The following AGPAT4 variants were observed in gnomAD, a reference collection of about 807,000 sequenced individuals.
The protein encoded by AGPAT4 is 1-acyl-sn-glycerol-3-phosphate acyltransferase delta.
AGPAT4 carries 15 observed loss-of-function variants against 48.0 expected under a neutral mutation model. The ratio of observed to expected loss-of-function variants is 0.31; its 90% CI spans 0.21 to 0.48. The LOEUF (loss-of-function observed/expected upper bound fraction) is 0.48. AGPAT4 is among the 20% of genes least tolerant of loss of function. AGPAT4 has a pLI of 0.99. For missense variants in AGPAT4, 314 were observed against 482.5 expected, an observed-to-expected ratio of 0.65 and a Z score of 3.27; for synonymous variants, 178 against 198.7, an observed-to-expected ratio of 0.90 and a Z score of 0.88.
chr6:161,213,774 A>G (rs989762240), intron 2 of AGPAT4, among the ~76,000 whole-genome samples: 4 of 152,174 alleles, frequency 2.6e-5, no homozygotes, highest in Non-Finnish European at 5.9e-5. Context: ...TCTTCATAGA[A>G]TAACCTTATA....
Position 161,199,733 on chromosome 6 carries a change from C to T in AGPAT4, c.178+32303G>A, listed in dbSNP as rs1460432009. 2.0e-5 allele frequency among the ~76,000 whole-genome samples: 3 copies of T among 152,138 alleles called. No individual in the cohort carries two copies. In the East Asian group the frequency reaches 5.8e-4, roughly 29 times the overall value. ...GTTATTTAAAAGCGTGCAGCACCTCCCCCTTTACTCTCTCCTCCGGCCACG... is the reference window on the plus strand; with the variant it reads ...GTTATTTAAAAGCGTGCAGCACCTCTCCCTTTACTCTCTCCTCCGGCCACG... On this transcript the variant is annotated intron_variant, in intron 2 of 8. Coordinates refer to ENST00000320285, the MANE Select transcript of AGPAT4 (RefSeq NM_020133.3).
rs769231388 is a variant in AGPAT4 at position 161,130,835 on chromosome 6, C to G, written c.*5705G>C. 1.9e-6 allele frequency: 1 copy of G among 518,976 alleles called. No homozygotes were observed. The highest frequency in any genetic ancestry group is 3.8e-6 in the Non-Finnish European group (1 of 259,830). The allele number at this position is 518,976 out of a possible 1,614,324, so 32.1% of individuals were successfully genotyped here. On this transcript the variant is annotated 3_prime_UTR_variant, in exon 9 of 9. Transcript: ENST00000320285. ...TAGACACTTTACAAGTCTGAGCCAT[C>G]CCGTACTAGTTCATCAACTTTCCTT...
Position 161,251,317 on chromosome 6 carries a change from C to A in AGPAT4, c.-89-19015G>T, listed in dbSNP as rs766091835. 1.3e-4 allele frequency among the ~76,000 whole-genome samples: 20 copies of A among 152,230 alleles called. No individual in the cohort carries two copies. The highest frequency in any genetic ancestry group is 5.9e-5 in the Non-Finnish European group (4 of 68,044). On this transcript the variant is annotated intron_variant, in intron 1 of 8. Coordinates refer to ENST00000320285, the MANE Select transcript of AGPAT4 (RefSeq NM_020133.3). The surrounding 1 kb of genome is among the most constrained non-coding windows in gnomAD (Gnocchi z 4.6). ...GATCCTTCTCTACCTCATTGATTCC[C>A]ATGCAGTCTCTCCTACATCGAATAC...
At position 161,189,439 on chromosome 6, in the gene AGPAT4, T is replaced by C. The variant is rs754674023; in HGVS notation, c.179-23022A>G. On this transcript the variant is annotated intron_variant, in intron 2 of 8. Coordinates refer to ENST00000320285, the MANE Select transcript of AGPAT4 (RefSeq NM_020133.3). This position sits in a 1 kb window ranked among gnomAD's most constrained non-coding sequence, Gnocchi z 5.3. ...AATCGGGGTGAAGAGAGAACCCACA[T>C]GTATTGTACACACACTGTAGCCACA... Among the ~76,000 whole-genome samples the C allele has an allele frequency of 9.2e-5, 14 of 152,136 alleles. No homozygotes were observed. The highest frequency in any genetic ancestry group is 1.9e-4 in the Non-Finnish European group (13 of 68,022).
Position 161,165,000 on chromosome 6 carries a change from C to A in AGPAT4, c.348+1248G>T, listed in dbSNP as rs893461110. On this transcript the variant is annotated intron_variant, in intron 3 of 8. Transcript: ENST00000320285. The surrounding 1 kb of genome is among the most constrained non-coding windows in gnomAD (Gnocchi z 7.4). ...TGACCTGACAGTCAAGATGCACCGG[C>A]TCCCCATACCCTTCCTCCTGGGCAG... Among the ~76,000 whole-genome samples, 1 of 152,176 alleles carries A rather than the reference C, an allele frequency of 6.6e-6. No homozygotes were observed. The highest frequency in any genetic ancestry group is 6.5e-5 in the Admixed American group (1 of 15,290).
In AGPAT4 at chr6:161,189,253, G is replaced by A. The variant is rs865937549; in HGVS notation, c.179-22836C>T. On this transcript the variant is annotated intron_variant, in intron 2 of 8. Coordinates refer to ENST00000320285, the MANE Select transcript of AGPAT4 (RefSeq NM_020133.3). This position sits in a 1 kb window ranked among gnomAD's most constrained non-coding sequence, Gnocchi z 5.3. ...GGAATTAGGAGGCTTTCCCATCTGCGGACTGTCCTGCCTCCTCCCCATCTG... is the reference window on the plus strand; with the variant it reads ...GGAATTAGGAGGCTTTCCCATCTGCAGACTGTCCTGCCTCCTCCCCATCTG... Among the ~76,000 whole-genome samples, 8 of 152,198 alleles carry A rather than the reference G, an allele frequency of 5.3e-5. No homozygotes were observed. In the East Asian group the frequency reaches 1.2e-3, roughly 22 times the overall value.
At position 161,243,988 on chromosome 6, in the gene AGPAT4, A is replaced by G. The variant is rs7776029; in HGVS notation, c.-89-11686T>C. The stretch of plus-strand genomic sequence containing the variant: ...TCATTGGTTTTGAGGCTCTCTTCCT[A>G]ATAACAAGTTAACTGTCAATTCCCT... On this transcript the variant is annotated intron_variant, in intron 1 of 8. Coordinates refer to ENST00000320285, the MANE Select transcript of AGPAT4 (RefSeq NM_020133.3). This position sits in a 1 kb window ranked among gnomAD's most constrained non-coding sequence, Gnocchi z 4.8. 0.093 allele frequency among the ~76,000 whole-genome samples: 14,118 copies of G among 152,218 alleles called. 736 individuals carry two copies. Among genetic ancestry groups the G allele is most frequent in the Middle Eastern group, 0.19 (56 of 294 alleles).
At position 161,219,653 on chromosome 6, in the gene AGPAT4, T is replaced by C. The variant is rs1342136973; in HGVS notation, c.178+12383A>G. ...AAACCATATGAATAGCTAAGACAACTTGACTTAAGCCAAGCATCCATTCAT... is the reference window on the plus strand; with the variant it reads ...AAACCATATGAATAGCTAAGACAACCTGACTTAAGCCAAGCATCCATTCAT... On this transcript the variant is annotated intron_variant, in intron 2 of 8. Coordinates refer to ENST00000320285, the MANE Select transcript of AGPAT4 (RefSeq NM_020133.3). This position sits in a 1 kb window ranked among gnomAD's most constrained non-coding sequence, Gnocchi z 4.9. Among the ~76,000 whole-genome samples the C allele has an allele frequency of 1.3e-5, 2 of 152,204 alleles. No homozygotes were observed. Among genetic ancestry groups the C allele is most frequent in the Non-Finnish European group, 2.9e-5 (2 of 68,030 alleles).
Position 161,184,563 on chromosome 6 carries a change from C to T in AGPAT4, c.179-18146G>A, listed in dbSNP as rs560275341. Among the ~76,000 whole-genome samples, 1 of 152,066 alleles carries T rather than the reference C, an allele frequency of 6.6e-6. No homozygotes were observed. The highest frequency in any genetic ancestry group is 1.9e-4 in the East Asian group (1 of 5,148). On this transcript the variant is annotated intron_variant, in intron 2 of 8. Coordinates refer to ENST00000320285, the MANE Select transcript of AGPAT4 (RefSeq NM_020133.3). This position sits in a 1 kb window ranked among gnomAD's most constrained non-coding sequence, Gnocchi z 4.8. ...TAGCCCTGGCCTCCCCTGGCCCTGCCCCGGACCCCCCATTCCCACCTGTCA... is the reference window on the plus strand; with the variant it reads ...TAGCCCTGGCCTCCCCTGGCCCTGCTCCGGACCCCCCATTCCCACCTGTCA...
rs932038843 is a variant in AGPAT4 at position 161,146,389 on chromosome 6, G to T, written c.843+135C>A. 4.2e-6 allele frequency: 3 copies of T among 710,712 alleles called. No homozygotes were observed. Among genetic ancestry groups the T allele is most frequent in the African/African-American group, 1.8e-5 (1 of 56,430 alleles). 44.0% of individuals were successfully genotyped at this position (710,712 alleles called of 1,614,324 possible). ...TCATGTTCTTCATTGCCAAGAGAGG[G>T]TCAGCTCCAGACTCACTAATAACTG... On this transcript the variant is annotated intron_variant, in intron 7 of 8. Coordinates refer to ENST00000320285, the MANE Select transcript of AGPAT4 (RefSeq NM_020133.3). The surrounding 1 kb of genome is among the most constrained non-coding windows in gnomAD (Gnocchi z 7.1).
rs1002946438 is a variant in AGPAT4 at position 161,138,116 on chromosome 6, C to G, written c.1042+1306G>C. The stretch of plus-strand genomic sequence containing the variant: ...AGGGGCCCTGGCACCTGCAGCTGCC[C>G]CGGACCCTTGGCCAGCCTCAGCATG... On this transcript the variant is annotated intron_variant, in intron 8 of 8. Coordinates refer to ENST00000320285, the MANE Select transcript of AGPAT4 (RefSeq NM_020133.3). This position sits in a 1 kb window ranked among gnomAD's most constrained non-coding sequence, Gnocchi z 4.8. Among the ~76,000 whole-genome samples the G allele has an allele frequency of 1.4e-4, 21 of 152,332 alleles. No homozygotes were observed. The highest frequency in any genetic ancestry group is 4.8e-4 in the African/African-American group (20 of 41,572).
intron 2 of AGPAT4, among the ~76,000 whole-genome samples, chr6:161,187,341 T>C (rs1355446196): frequency 6.6e-6 from 1 of 152,178 alleles, no homozygotes; most frequent in Non-Finnish European, 1.5e-5. Context: ...TTCGTTGTTG[T>C]TGCTGCCCAC....
intron 5 of AGPAT4, among the ~76,000 whole-genome samples, chr6:161,151,083 G>A (rs1779580422): frequency 6.6e-6 from 1 of 152,166 alleles, no homozygotes; most frequent in South Asian, 2.1e-4. Flanking sequence ...GTCTTGAATG[G>A]AGAGCCAGCC....
In AGPAT4 at chr6:161,131,492, A is replaced by T. The variant is rs1396930807; in HGVS notation, c.*5048T>A. On this transcript the variant is annotated 3_prime_UTR_variant, in exon 9 of 9. Transcript: ENST00000320285. ...TGGTTCTTTTTTAGAAAAGGGAAGC[A>T]GAAGCTAATTGAAATTCCATTACTC... 1 of 152,876 alleles carries T rather than the reference A, an allele frequency of 6.5e-6. No homozygotes were observed. Among genetic ancestry groups the T allele is most frequent in the East Asian group, 1.9e-4 (1 of 5,210 alleles). 9.5% of individuals were successfully genotyped at this position (152,876 alleles called of 1,614,324 possible).
intron 2 of AGPAT4, among the ~76,000 whole-genome samples, chr6:161,203,405 T>G (rs1781293431): frequency 8.4e-6 from 1 of 119,170 alleles, no homozygotes; most frequent in Non-Finnish European, 1.7e-5. Context: ...TTTTTTTTTT[T>G]GAGACAGAGT....
intron 2 of AGPAT4, among the ~76,000 whole-genome samples, chr6:161,191,836 C>G (rs1220156987): frequency 1.3e-5 from 2 of 152,150 alleles, no homozygotes; most frequent in Non-Finnish European, 2.9e-5. Context: ...TGCAAGGAGG[C>G]CATTGTTGCC....
At chr6:161,186,038 G>A (rs1342942450) in intron 2 of AGPAT4, among the ~76,000 whole-genome samples, 10 of 152,016 alleles carry the variant, frequency 6.6e-5, no homozygotes, top group South Asian at 4.2e-4. Flanking sequence ...AGAAATTCTC[G>A]AAATCTTCCA....
chr6:161,184,042 T>C lies in AGPAT4; in HGVS notation c.179-17625A>G, dbSNP rs149308460. Among the ~76,000 whole-genome samples, 281 of 152,126 alleles carry C rather than the reference T, an allele frequency of 1.8e-3. 1 individual carries two copies. The highest frequency in any genetic ancestry group is 6.5e-3 in the African/African-American group (269 of 41,520). On this transcript the variant is annotated intron_variant, in intron 2 of 8. Transcript: ENST00000320285. The surrounding 1 kb of genome is among the most constrained non-coding windows in gnomAD (Gnocchi z 4.8). ...GATGTATGACTTGATCCACCTGAAA[T>C]ACAGTCTACTAGAACCTGTGCCACA...
At position 161,161,870 on chromosome 6, in the gene AGPAT4, C is replaced by T. The variant is rs1779945799; in HGVS notation, c.348+4378G>A. The T allele has an allele frequency of 1.2e-5, 3 of 253,622 alleles. No individual in the cohort carries two copies. The highest frequency in any genetic ancestry group is 1.8e-4 in the East Asian group (2 of 11,404). 15.7% of individuals were successfully genotyped at this position (253,622 alleles called of 1,614,324 possible). ...AGGCAGCACAGGGCTTTATGGGCGC[C>T]CTCACGCACAGGCACTCTGCCTAGG... is the stretch of plus-strand genomic sequence containing the variant. On this transcript the variant is annotated intron_variant, in intron 3 of 8. Coordinates refer to ENST00000320285, the MANE Select transcript of AGPAT4 (RefSeq NM_020133.3). The surrounding 1 kb of genome is among the most constrained non-coding windows in gnomAD (Gnocchi z 4.6).
Sources: allele counts gnomAD v4.1 joint callset (sites outside exome capture counted in the v4.1 genomes callset), GRCh38; gene constraint gnomAD v4.1.1; non-coding constraint Gnocchi (gnomAD v3.1); transcripts MANE v1.5; gene names NCBI Gene and HGNC (gene_info 2026-07-23, HGNC 2026-07-21).